TESMIN: variants seen among roughly 807,000 people sequenced by gnomAD.
TESMIN encodes CXC domain containing 2.
A neutral mutation model predicts 47.4 loss-of-function variants in TESMIN; 34 were observed. The ratio of observed to expected loss-of-function variants is 0.72; its 90% CI spans 0.55 to 0.96. The LOEUF (loss-of-function observed/expected upper bound fraction) is 0.96. TESMIN is among the 40% of genes least tolerant of loss of function. TESMIN has a pLI of 0.00. For missense variants in TESMIN, 610 were observed against 637.2 expected (o/e 0.96, Z 0.46); for synonymous variants, 278 against 258.9 (o/e 1.07, Z -0.71).
intron 4 of TESMIN, among the ~76,000 whole-genome samples, chr11:68,743,124 G>A (rs753752529): frequency 2.4e-4 from 37 of 152,084 alleles, no homozygotes; most frequent in Non-Finnish European, 8.8e-5. Context: ...GCAATCCTCC[G>A]GCCTGGCCTC....
chr11:68,720,224 C>T (rs1946189502), intron 6 of TESMIN, among the ~76,000 whole-genome samples: 1 of 152,158 alleles, frequency 6.6e-6, no homozygotes, highest in Non-Finnish European at 1.5e-5. Flanking sequence ...CACTCTTTTG[C>T]TGACTGATTT....
Position 68,750,296 on chromosome 11 carries a change from A to C in TESMIN, c.365T>G (p.Val122Gly). Reference sequence around the variant, plus strand: ...GGGTAGCAGCGAGGACAGGAAGTGCACGTTGCAGGCGGGCGGCTGCGGGGC... The same window carrying C: ...GGGTAGCAGCGAGGACAGGAAGTGCCCGTTGCAGGCGGGCGGCTGCGGGGC... ...LQAPQPPACNVHFLSSLLPAH... is the reference protein window; with the variant it reads ...LQAPQPPACNGHFLSSLLPAH... Residue 122 changes from valine (V) to glycine (G), a missense_variant, in exon 2 of 10, where the codon GTG becomes GGG. Val to Gly is a moderately radical substitution (Grantham distance 109). Coordinates refer to ENST00000255087, the MANE Select transcript of TESMIN (RefSeq NM_004923.3). 6.5e-7 allele frequency: 1 copy of C among 1,547,198 alleles called. No homozygotes were observed. Among genetic ancestry groups the C allele is most frequent in the Non-Finnish European group, 8.7e-7 (1 of 1,152,900 alleles).
At chr11:68,723,462 T>TAA (rs201374225) in intron 6 of TESMIN, among the ~76,000 whole-genome samples, 61 of 90,468 alleles carry the variant, frequency 6.7e-4, no homozygotes, top group African/African-American at 1.6e-3. Context: ...GTGCATTTCC[T>TAA]AAAAAAAAAA....
intron 7 of TESMIN, among the ~76,000 whole-genome samples, chr11:68,714,153 G>A (rs1310158496): frequency 6.6e-6 from 1 of 152,216 alleles, no homozygotes; most frequent in Non-Finnish European, 1.5e-5. Context: ...GTGGAAGTCT[G>A]TGGCCTCCGT....
intron 6 of TESMIN, among the ~76,000 whole-genome samples, chr11:68,719,018 A>G (rs7941127): frequency 7.2e-5 from 11 of 152,320 alleles, no homozygotes; most frequent in African/African-American, 2.4e-4. Flanking sequence ...CCCACAAGGA[A>G]GATGCGGGCT....
chr11:68,714,469 C>G (rs986478943), intron 7 of TESMIN, among the ~76,000 whole-genome samples: 6 of 152,210 alleles, frequency 3.9e-5, no homozygotes, highest in African/African-American at 7.2e-5. Context: ...GGTGCACCCC[C>G]GCGGGGAATG....
intron 8 of TESMIN, among the ~76,000 whole-genome samples, 195 bp from the exon 9 acceptor site, chr11:68,711,244 TG>T (rs34181169): frequency 2.0e-5 from 3 of 150,430 alleles, no homozygotes; most frequent in African/African-American, 7.4e-5. Context: ...TGAGTGTGTG[TG>T]GGGTGTGTGT....
At chr11:68,736,347 G>A (rs1358533682) in intron 6 of TESMIN, 13 of 985,290 alleles carry the variant, frequency 1.3e-5, no homozygotes, top group South Asian at 9.4e-5. Flanking sequence ...AATGACCATC[G>A]GGTCAGCTCG....
intron 5 of TESMIN, among the ~76,000 whole-genome samples, chr11:68,739,494 C>T (rs565626311): frequency 3.9e-5 from 6 of 152,328 alleles, no homozygotes; most frequent in Non-Finnish European, 7.4e-5. Context: ...ACCTCATATC[C>T]TTGTCCCTTC....
In TESMIN at chr11:68,728,368, G is replaced by A. The variant is rs542785431; in HGVS notation, c.917+10332C>T. Among the ~76,000 whole-genome samples the A allele has an allele frequency of 1.6e-4, 25 of 152,298 alleles. No individual in the cohort carries two copies. In the East Asian group the frequency reaches 2.7e-3, roughly 16 times the overall value. ...CAAGGCCCTAATGCTTGTCAATTCC[G>A]TTAAGGCTGAGAGAGGTGAGGAAGC... On this transcript the variant is annotated intron_variant, in intron 6 of 9. Transcript: ENST00000255087.
At chr11:68,708,555 A>G (rs2153990470) in intron 9 of TESMIN, 55 bp from the exon 10 acceptor site, 1 of 1,407,918 alleles carries the variant, frequency 7.1e-7, no homozygotes, top group Non-Finnish European at 9.5e-7. Flanking sequence ...TTCTACCTAC[A>G]GTACTATTTA....
chr11:68,732,669 C>T lies in TESMIN; in HGVS notation c.917+6031G>A, dbSNP rs1469917856. On this transcript the variant is annotated intron_variant, in intron 6 of 9. Coordinates refer to ENST00000255087, the MANE Select transcript of TESMIN (RefSeq NM_004923.3). ...CCCAGAGCTGCGTCTTTAGCTTCCCCATCAGTCATGTCATGGCGTTTCCAA... is the reference window on the plus strand; with the variant it reads ...CCCAGAGCTGCGTCTTTAGCTTCCCTATCAGTCATGTCATGGCGTTTCCAA... The T allele has an allele frequency of 2.0e-5, 3 of 152,740 alleles. 1 individual carries two copies. Among genetic ancestry groups the T allele is most frequent in the African/African-American group, 7.2e-5 (3 of 41,468 alleles). 9.5% of individuals were successfully genotyped at this position (152,740 alleles called of 1,614,324 possible).
intron 9 of TESMIN, 68 bp downstream of exon 9, chr11:68,710,806 G>C (rs1946054488): frequency 4.2e-6 from 6 of 1,416,804 alleles, no homozygotes; most frequent in Non-Finnish European, 5.8e-6. Context: ...TGTATAAATT[G>C]TCGTTAATTC....
intron 6 of TESMIN, among the ~76,000 whole-genome samples, chr11:68,735,435 G>T (rs1488308170): frequency 1.3e-5 from 2 of 152,218 alleles, no homozygotes; most frequent in Non-Finnish European, 2.9e-5. Context: ...AGGCCCACGA[G>T]TATCTACAGA....
chr11:68,736,308 G>T (rs749192586), intron 6 of TESMIN: 1 of 985,318 alleles, frequency 1.0e-6, no homozygotes. Flanking sequence ...TAGTTAATAA[G>T]TTAGCCAGTT....
chr11:68,726,509 T>C (rs1342176635), intron 6 of TESMIN, among the ~76,000 whole-genome samples: 2 of 152,016 alleles, frequency 1.3e-5, no homozygotes, highest in South Asian at 2.1e-4. Flanking sequence ...TTCCAAGCCA[T>C]AAGGAGAAAA....
At chr11:68,704,924 A>G (rs1945984674), downstream of TESMIN, among the ~76,000 whole-genome samples, 1 of 152,208 alleles carries the variant, frequency 6.6e-6, no homozygotes, top group Non-Finnish European at 1.5e-5. Context: ...CATCCATGCA[A>G]TGACAGTCTT....
At chr11:68,736,154 T>C (rs1594297411) in intron 6 of TESMIN, 16 of 985,158 alleles carry the variant, frequency 1.6e-5, no homozygotes, top group African/African-American at 3.5e-5. Flanking sequence ...TTCTTTATTA[T>C]GATGTTCATT....
In TESMIN at chr11:68,736,534, T is replaced by C. The variant is rs1946388584; in HGVS notation, c.917+2166A>G. ...CCACCAAAAATAAATTGGTAGAGAT[T>C]CCAGTATATCATCAGTATTGCAGAT... On this transcript the variant is annotated intron_variant, in intron 6 of 9. Coordinates refer to ENST00000255087, the MANE Select transcript of TESMIN (RefSeq NM_004923.3). The C allele has an allele frequency of 3.0e-6, 3 of 985,318 alleles. No individual in the cohort carries two copies. The Admixed American group carries it at 1.8e-4, about 61-fold the overall frequency. 61.0% of individuals were successfully genotyped at this position (985,318 alleles called of 1,614,324 possible).
Sources: allele counts gnomAD v4.1 joint callset (sites outside exome capture counted in the v4.1 genomes callset), GRCh38; gene constraint gnomAD v4.1.1; transcripts MANE v1.5; gene names NCBI Gene and HGNC (gene_info 2026-07-23, HGNC 2026-07-21).